The following CCDC198 variants were observed in gnomAD, a reference collection of about 807,000 sequenced individuals.
CCDC198 encodes coiled-coil domain containing 198, also known as factor associated with metabolism and energy.
In CCDC198, 18 loss-of-function variants were observed where a neutral mutation model predicts 35.6. That is an observed-to-expected ratio of 0.51 (90% CI 0.35 to 0.75). The LOEUF is 0.75. Ranked by LOEUF, CCDC198 falls within the 30% of genes least tolerant of loss-of-function variation. The pLI is 0.01. For missense variants in CCDC198, 365 were observed against 343.7 expected (o/e 1.06, Z -0.49); for synonymous variants, 119 against 113.4 (o/e 1.05, Z -0.31).
chr14:57,484,228 G>A (rs1229833227), intron 2 of CCDC198, among the ~76,000 whole-genome samples: 1 of 152,200 alleles, frequency 6.6e-6, no homozygotes. Context: ...AATTAGTTAA[G>A]ATGAAGTCAT....
chr14:57,481,980 C>T lies in CCDC198; in HGVS notation c.394-320G>A, dbSNP rs370019552. Among the ~76,000 whole-genome samples the T allele has an allele frequency of 2.5e-4, 38 of 152,304 alleles. 1 individual carries two copies. Among genetic ancestry groups the T allele is most frequent in the African/African-American group, 8.9e-4 (37 of 41,568 alleles). Reference sequence around the variant, plus strand: ...CTTTGTAAACAGATGCTTATTACCACCTCTCCAGAATTGTGTTCTGGTTTG... The same window carrying T: ...CTTTGTAAACAGATGCTTATTACCATCTCTCCAGAATTGTGTTCTGGTTTG... On this transcript the variant is annotated intron_variant, in intron 3 of 5. Coordinates refer to ENST00000216445, the MANE Select transcript of CCDC198 (RefSeq NM_018168.4).
intron 2 of CCDC198, 53 bp from the exon 3 acceptor site, chr14:57,483,204 A>G: frequency 1.2e-6 from 2 of 1,613,226 alleles, no homozygotes; most frequent in Non-Finnish European, 1.7e-6. Context: ...TGAGATGATG[A>G]AACAGAAAAG....
In CCDC198 at chr14:57,487,338, G is replaced by T. The variant is rs965598103; in HGVS notation, c.306+3651C>A. Among the ~76,000 whole-genome samples, 7 of 152,186 alleles carry T rather than the reference G, an allele frequency of 4.6e-5. No individual in the cohort carries two copies. In the East Asian group the frequency reaches 5.8e-4, roughly 13 times the overall value. On this transcript the variant is annotated intron_variant, in intron 2 of 5. Transcript: ENST00000216445. ...TTGGGAATCTGGTGAAGGGCCAGGG[G>T]ACTCAAGAGTGCTGATATGGGGGTT...
intron 2 of CCDC198, among the ~76,000 whole-genome samples, chr14:57,484,560 T>A (rs1002930809): frequency 2.6e-5 from 4 of 152,156 alleles, no homozygotes; most frequent in African/African-American, 9.7e-5. Context: ...GGTAGTACCT[T>A]TTTAGTAGAA....
At position 57,471,082 on chromosome 14, in the gene CCDC198, G is replaced by C; in HGVS notation, c.*273C>G. The C allele has an allele frequency of 3.1e-6, 1 of 324,600 alleles. No individual in the cohort carries two copies. The highest frequency in any genetic ancestry group is 5.7e-6 in the Non-Finnish European group (1 of 176,624). The allele number at this position is 324,600 out of a possible 1,614,324, so 20.1% of individuals were successfully genotyped here. On this transcript the variant is annotated 3_prime_UTR_variant, in exon 6 of 6. Transcript: ENST00000216445. Reference sequence around the variant, plus strand: ...ACATGAAAGATTTCAAAAGGGAACAGCAGAAGAACCACCTAGCTGAACTCA... The same window carrying C: ...ACATGAAAGATTTCAAAAGGGAACACCAGAAGAACCACCTAGCTGAACTCA...
At chr14:57,478,391 T>G in intron 5 of CCDC198, 65 of 865,494 alleles carry the variant, frequency 7.5e-5, no homozygotes, top group South Asian at 1.1e-4. Flanking sequence ...CTAGGTTGTG[T>G]GAGAATTAAA....
At chr14:57,472,376 A>G (rs547926605) in intron 5 of CCDC198, among the ~76,000 whole-genome samples, 81 of 152,270 alleles carry the variant, frequency 5.3e-4, no homozygotes, top group African/African-American at 1.9e-3. Context: ...ATTTTAAAGA[A>G]TCCAGGTCAA....
intron 5 of CCDC198, among the ~76,000 whole-genome samples, chr14:57,477,668 G>A (rs2067048651): frequency 6.6e-6 from 1 of 152,140 alleles, no homozygotes; most frequent in Non-Finnish European, 1.5e-5. Flanking sequence ...TTCAGATTCG[G>A]TAGGATGAAG....
intron 5 of CCDC198, chr14:57,478,429 A>G (rs568170142): frequency 3.6e-5 from 35 of 980,776 alleles, no homozygotes; most frequent in Non-Finnish European, 4.1e-5. Context: ...AAGGCAAACC[A>G]CAGTACCTGG....
chr14:57,478,446 G>T, intron 5 of CCDC198: 2 of 984,864 alleles, frequency 2.0e-6, no homozygotes, highest in Non-Finnish European at 2.4e-6. Context: ...CTGGCTTATA[G>T]TAAGCACTCA....
At chr14:57,490,707 T>C (rs2067535192) in intron 2 of CCDC198, among the ~76,000 whole-genome samples, 1 of 152,180 alleles carries the variant, frequency 6.6e-6, no homozygotes, top group Non-Finnish European at 1.5e-5. Flanking sequence ...TGTTTTCCCA[T>C]AGTCACCCAA....
At chr14:57,476,340 A>C (rs1423476168) in intron 5 of CCDC198, among the ~76,000 whole-genome samples, 1 of 152,176 alleles carries the variant, frequency 6.6e-6, no homozygotes, top group African/African-American at 2.4e-5. Flanking sequence ...TTCTAGGGAC[A>C]AGAAAAGGTC....
At chr14:57,479,544 C>T (rs534920084) in intron 5 of CCDC198, among the ~76,000 whole-genome samples, 1 of 152,286 alleles carries the variant, frequency 6.6e-6, no homozygotes, top group African/African-American at 2.4e-5. Flanking sequence ...AATCATCTGG[C>T]AATCTTGATA....
rs1301332594 is a variant in CCDC198 at position 57,469,321 on chromosome 14, T to C, written c.*2034A>G. 1 of 152,226 alleles carries C rather than the reference T, an allele frequency of 6.6e-6. No individual in the cohort carries two copies. The highest frequency in any genetic ancestry group is 1.9e-4 in the East Asian group (1 of 5,202). The allele number at this position is 152,226 out of a possible 1,614,324, so 9.4% of individuals were successfully genotyped here. On this transcript the variant is annotated 3_prime_UTR_variant, in exon 6 of 6. Transcript: ENST00000216445. ...CACATTCATTAATTCAGCAAACATT[T>C]AATGATAAACTCTTTGCCAGCTGTC...
chr14:57,478,927 TC>T, intron 5 of CCDC198: 2 of 1,270,512 alleles, frequency 1.6e-6, no homozygotes, highest in South Asian at 2.6e-5. Context: ...TCTGCAGCTC[TC>T]TCAGCGGTGG....
chr14:57,478,399 A>T, intron 5 of CCDC198: 1 of 897,106 alleles, frequency 1.1e-6, no homozygotes, highest in Non-Finnish European at 1.3e-6. Context: ...TGTGAGAATT[A>T]AAAGAGATAA....
rs2066783942 is a variant in CCDC198, at chr14:57,469,732, G to T, written c.*1623C>A. 6.6e-6 allele frequency: 1 copy of T among 152,162 alleles called. No individual in the cohort carries two copies. The highest frequency in any genetic ancestry group is 6.5e-5 in the Admixed American group (1 of 15,278). 9.4% of individuals were successfully genotyped at this position (152,162 alleles called of 1,614,324 possible). On this transcript the variant is annotated 3_prime_UTR_variant, in exon 6 of 6. Coordinates refer to ENST00000216445, the MANE Select transcript of CCDC198 (RefSeq NM_018168.4). Reference sequence around the variant, plus strand: ...AAAGAACTGGGAATAGATATGGCCTGGGACAATCTAATAGCCTTCTGTCCT... The same window carrying T: ...AAAGAACTGGGAATAGATATGGCCTTGGACAATCTAATAGCCTTCTGTCCT...
intron 1 of CCDC198, 152 bp from the exon 2 acceptor site, chr14:57,491,223 C>T: frequency 1.4e-6 from 1 of 732,652 alleles, no homozygotes; most frequent in Middle Eastern, 4.0e-4. Context: ...AGATGAAACA[C>T]AGAAAGCAGG....
chr14:57,486,101 A>G (rs12100500), intron 2 of CCDC198, among the ~76,000 whole-genome samples: 8,980 of 152,166 alleles, frequency 0.059, 899 homozygotes, highest in African/African-American at 0.21. Flanking sequence ...CAAGGCACCT[A>G]TGGGAGGAAG....
Sources: allele counts gnomAD v4.1 joint callset (sites outside exome capture counted in the v4.1 genomes callset), GRCh38; gene constraint gnomAD v4.1.1; transcripts MANE v1.5; gene names NCBI Gene and HGNC (gene_info 2026-07-23, HGNC 2026-07-21).